WIF1: variants seen among roughly 807,000 people sequenced by gnomAD.
WIF1 encodes the protein Wnt inhibitory factor 1.
A neutral mutation model predicts 53.5 loss-of-function variants in WIF1; 35 were observed. That is an observed-to-expected ratio of 0.65 (90% CI 0.50 to 0.87). WIF1 has a LOEUF of 0.87. WIF1 is among the 40% of genes least tolerant of loss of function. WIF1 has a pLI of 0.00. For missense variants in WIF1, 467 were observed against 476.8 expected, an observed-to-expected ratio of 0.98 and a Z score of 0.19; for synonymous variants, 171 against 170.4, an observed-to-expected ratio of 1.00 and a Z score of -0.03.
chr12:65,073,051 C>T (rs927343152), intron 3 of WIF1, among the ~76,000 whole-genome samples: 1 of 152,192 alleles, frequency 6.6e-6, no homozygotes, highest in East Asian at 1.9e-4. Context: ...CTCCCACACA[C>T]AGATGGGCAT....
At chr12:65,092,502 A>G (rs371480336) in intron 2 of WIF1, among the ~76,000 whole-genome samples, 10 of 17,706 alleles carry the variant, frequency 5.6e-4, no homozygotes, top group African/African-American at 1.0e-3. Flanking sequence ...GTGTATATAT[A>G]TGTGTGTATA....
chr12:65,056,759 C>T (rs1041863353), intron 7 of WIF1, among the ~76,000 whole-genome samples: 10 of 152,136 alleles, frequency 6.6e-5, no homozygotes, highest in African/African-American at 2.4e-4. Flanking sequence ...AAGTGATTCT[C>T]CTGCCTCATC....
rs1207961037 is a variant in WIF1, at chr12:65,062,551, A to G, written c.756T>C (p.Asn252=). Reference sequence around the variant, plus strand: ...TTCCAGGGTAGAAACAGGTCCCTCCATTAAAGCAGGTGGTTGAGCAGTTTG... The same window carrying G: ...TTCCAGGGTAGAAACAGGTCCCTCCGTTAAAGCAGGTGGTTGAGCAGTTTG... ...DKANCSTTCF[N]GGTCFYPGKC... Residue 252 remains asparagine (N), a synonymous_variant, in exon 7 of 10, where the codon AAT becomes AAC. Transcript: ENST00000286574. 2.5e-6 allele frequency: 4 copies of G among 1,608,370 alleles called. No homozygotes were observed. Among genetic ancestry groups the G allele is most frequent in the South Asian group, 1.1e-5 (1 of 90,038 alleles).
At chr12:65,093,456 A>G (rs890585747) in intron 2 of WIF1, among the ~76,000 whole-genome samples, 1 of 152,112 alleles carries the variant, frequency 6.6e-6, no homozygotes, top group Non-Finnish European at 1.5e-5. Context: ...TTTTACTTAT[A>G]TTAAGTTATA....
intron 2 of WIF1, among the ~76,000 whole-genome samples, chr12:65,106,912 A>C (rs1733041544): frequency 6.6e-6 from 1 of 152,236 alleles, no homozygotes; most frequent in Non-Finnish European, 1.5e-5. Context: ...AAGAAAAAGA[A>C]TATGTAATCG....
At chr12:65,112,090 G>A (rs1883440009) in intron 2 of WIF1, among the ~76,000 whole-genome samples, 1 of 152,136 alleles carries the variant, frequency 6.6e-6, no homozygotes, top group Non-Finnish European at 1.5e-5. Context: ...AGTTTTAAAA[G>A]GAAATCAAAT....
chr12:65,102,615 G>A (rs1292798270), intron 2 of WIF1, among the ~76,000 whole-genome samples: 1 of 152,140 alleles, frequency 6.6e-6, no homozygotes, highest in African/African-American at 2.4e-5. Context: ...GCACCCCAAG[G>A]CCCAATCAAG....
rs139047998 is a variant in WIF1, at chr12:65,094,334, C to T, written c.289-16480G>A. Among the ~76,000 whole-genome samples the T allele has an allele frequency of 3.5e-3, 529 of 152,116 alleles. 3 individuals are homozygous for T. Among genetic ancestry groups the T allele is most frequent in the Non-Finnish European group, 4.4e-3 (301 of 67,994 alleles). On this transcript the variant is annotated intron_variant, in intron 2 of 9. Coordinates refer to ENST00000286574, the MANE Select transcript of WIF1 (RefSeq NM_007191.5). ...ATATATCGGGGGGAAAATACTTTTC[C>T]GACAAATCATTGTTAAAATATAAGT...
chr12:65,085,394 C>T (rs533216941), intron 2 of WIF1, among the ~76,000 whole-genome samples: 1 of 152,126 alleles, frequency 6.6e-6, no homozygotes, highest in South Asian at 2.1e-4. Flanking sequence ...TGCAATTAGT[C>T]ACATGAAGTC....
At position 65,077,743 on chromosome 12, in the gene WIF1, C is replaced by T; in HGVS notation, c.397+3G>A. 1 of 1,607,500 alleles carries T rather than the reference C, an allele frequency of 6.2e-7. No homozygotes were observed. The highest frequency in any genetic ancestry group is 8.5e-7 in the Non-Finnish European group (1 of 1,174,518). ...AACCTTTCTTCAGGCAAAGACCACCCACCTGATGCCTTGTGAGGCACTGTT... is the reference window on the plus strand; with the variant it reads ...AACCTTTCTTCAGGCAAAGACCACCTACCTGATGCCTTGTGAGGCACTGTT... On this transcript the variant is annotated splice_donor_region_variant and intron_variant, in intron 3 of 9. Coordinates refer to ENST00000286574, the MANE Select transcript of WIF1 (RefSeq NM_007191.5).
At chr12:65,103,969 G>GT (rs146715503) in intron 2 of WIF1, among the ~76,000 whole-genome samples, 29,971 of 152,136 alleles carry the variant, frequency 0.2, 3,253 homozygotes, top group Admixed American at 0.25. Flanking sequence ...GGAGGCTGAA[G>GT]TGGGAGGATT....
At chr12:65,097,213 T>C (rs892970899) in intron 2 of WIF1, among the ~76,000 whole-genome samples, 2 of 152,024 alleles carry the variant, frequency 1.3e-5, no homozygotes, top group African/African-American at 4.8e-5. Flanking sequence ...GTATCAATAT[T>C]TGTTTTCATG....
chr12:65,083,656 C>A (rs964901487), intron 2 of WIF1: 5 of 266,524 alleles, frequency 1.9e-5, no homozygotes, highest in African/African-American at 9.2e-5. Flanking sequence ...ACTCTTCTTG[C>A]CATCTGCGTC....
intron 2 of WIF1, among the ~76,000 whole-genome samples, chr12:65,079,226 C>T (rs1394556983): frequency 7.0e-6 from 1 of 143,122 alleles, no homozygotes; most frequent in Admixed American, 6.9e-5. Flanking sequence ...GACATTTAAG[C>T]AAGAAAAGGG....
intron 3 of WIF1, 71 bp from the exon 4 acceptor site, chr12:65,068,975 G>A (rs2136616242): frequency 5.2e-6 from 8 of 1,536,304 alleles, no homozygotes; most frequent in Admixed American, 1.9e-5. Flanking sequence ...GAAATCTTGG[G>A]AACCAAGAGT....
At chr12:65,120,756 G>A (rs1332401690) in intron 1 of WIF1, 200 bp from the exon 2 acceptor site, 1 of 803,616 alleles carries the variant, frequency 1.2e-6, no homozygotes, top group Non-Finnish European at 1.9e-6. Context: ...CATGCTTTCA[G>A]GGAAAAGGGA....
In WIF1 at chr12:65,090,235, C is replaced by T. The variant is rs565873713; in HGVS notation, c.289-12381G>A. Among the ~76,000 whole-genome samples, 10 of 152,162 alleles carry T rather than the reference C, an allele frequency of 6.6e-5. No individual in the cohort carries two copies. The East Asian group carries it at 7.7e-4, about 12-fold the overall frequency. On this transcript the variant is annotated intron_variant, in intron 2 of 9. Coordinates refer to ENST00000286574, the MANE Select transcript of WIF1 (RefSeq NM_007191.5). ...CCAACAGTCCAAATAACAATGGCCA[C>T]GAGGCTGGGGAGAATGTGGGTGAAG...
intron 3 of WIF1, among the ~76,000 whole-genome samples, chr12:65,072,141 G>T (rs141241051): frequency 1.3e-5 from 2 of 152,060 alleles, no homozygotes. Flanking sequence ...TTAGTTAGCT[G>T]CATCTCCAGT....
At chr12:65,120,385 A>G (rs752563626) in intron 2 of WIF1, 32 bp downstream of exon 2, 1 of 1,605,418 alleles carries the variant, frequency 6.2e-7, no homozygotes, top group Non-Finnish European at 8.5e-7. Context: ...AAGGCAGTGG[A>G]AATATTAAAG....
Sources: gnomAD v4.1 joint callset for allele counts (sites outside exome capture counted in the v4.1 genomes callset) on GRCh38, gnomAD v4.1.1 for gene constraint, MANE v1.5 for transcripts, NCBI Gene and HGNC (gene_info 2026-07-23, HGNC 2026-07-21) for gene names.